DCDC1: variants seen among roughly 807,000 people sequenced by gnomAD.
The protein encoded by DCDC1 is doublecortin domain containing 1.
In DCDC1, 200 loss-of-function variants were observed where a neutral mutation model predicts 178.3. That is an observed-to-expected ratio of 1.12 (90% CI 1.00 to 1.26). DCDC1 has a LOEUF of 1.26. Among genes scored for constraint, DCDC1 ranks in the 50% most tolerant of loss-of-function variants. The pLI, the probability that DCDC1 is intolerant of heterozygous loss-of-function variation, is 0.00. For missense variants in DCDC1, 1,983 were observed against 1,749.2 expected, an observed-to-expected ratio of 1.13 and a Z score of -2.38; for synonymous variants, 690 against 604.8, an observed-to-expected ratio of 1.14 and a Z score of -2.07.
At chr11:31,099,266 A>T (rs1030709739) in intron 15 of DCDC1, among the ~76,000 whole-genome samples, 1 of 152,202 alleles carries the variant, frequency 6.6e-6, no homozygotes, top group Non-Finnish European at 1.5e-5. Context: ...GATGATCAGG[A>T]TGTCCTTTGC....
intron 7 of DCDC1, among the ~76,000 whole-genome samples, chr11:31,266,564 A>G (rs1945179128): frequency 6.6e-6 from 1 of 152,194 alleles, no homozygotes; most frequent in Admixed American, 6.5e-5. Context: ...ATTTTTGACT[A>G]TTCCCAGCTA....
chr11:30,887,535 G>C (rs1029651485), intron 36 of DCDC1, among the ~76,000 whole-genome samples: 34 of 152,204 alleles, frequency 2.2e-4, no homozygotes, highest in African/African-American at 7.5e-4. Context: ...TGTTGGCATT[G>C]AAGTGTTCTG....
intron 10 of DCDC1, among the ~76,000 whole-genome samples, chr11:31,134,232 G>A (rs1487033999): frequency 6.6e-6 from 1 of 152,200 alleles, no homozygotes; most frequent in Non-Finnish European, 1.5e-5. Context: ...ATAGCAACAA[G>A]GATGATGTCA....
At chr11:30,983,650 A>G (rs779344799) in intron 20 of DCDC1, among the ~76,000 whole-genome samples, 1 of 152,220 alleles carries the variant, frequency 6.6e-6, no homozygotes, top group Non-Finnish European at 1.5e-5. Flanking sequence ...TATTTTTAAA[A>G]AATTGTCATA....
intron 7 of DCDC1, among the ~76,000 whole-genome samples, chr11:31,268,664 G>T (rs1392835932): frequency 6.6e-6 from 1 of 152,112 alleles, no homozygotes; most frequent in African/African-American, 2.4e-5. Context: ...TTGCTATTCA[G>T]AACAGTGCTG....
intron 2 of DCDC1, among the ~76,000 whole-genome samples, chr11:31,330,999 C>T (rs555250661): frequency 1.7e-4 from 26 of 152,250 alleles, no homozygotes; most frequent in East Asian, 1.5e-3. Flanking sequence ...GTCATTTTCA[C>T]GATATTGATT....
At chr11:31,158,408 C>T (rs963128681) in intron 9 of DCDC1, among the ~76,000 whole-genome samples, 5 of 152,186 alleles carry the variant, frequency 3.3e-5, no homozygotes, top group Middle Eastern at 3.4e-3. Flanking sequence ...TGAGCCACCG[C>T]GCCTGGCCAA....
chr11:30,974,571 T>C (rs936883083), intron 20 of DCDC1, among the ~76,000 whole-genome samples: 3 of 152,122 alleles, frequency 2.0e-5, no homozygotes, highest in Non-Finnish European at 2.9e-5. Context: ...CATCAGAGAC[T>C]ATTATGAATA....
At chr11:31,351,401 T>C (rs1951064968) in intron 1 of DCDC1, among the ~76,000 whole-genome samples, 1 of 152,116 alleles carries the variant, frequency 6.6e-6, no homozygotes, top group South Asian at 2.1e-4. Context: ...ATGCAATTTT[T>C]CAAATGTATC....
rs113662930 is a variant in DCDC1, at chr11:31,325,261, C to A, written c.164+2856G>T. Among the ~76,000 whole-genome samples, 1,220 of 152,186 alleles carry A rather than the reference C, an allele frequency of 8.0e-3. 22 individuals are homozygous for A. Among genetic ancestry groups the A allele is most frequent in the African/African-American group, 0.028 (1,168 of 41,542 alleles). ...CTGGATACCTGTTACTAATAAATAACTGATTCTGTCATCCATGTCTCCAAG... is the reference window on the plus strand; with the variant it reads ...CTGGATACCTGTTACTAATAAATAAATGATTCTGTCATCCATGTCTCCAAG... On this transcript the variant is annotated intron_variant, in intron 3 of 38. Transcript: ENST00000684477.
intron 34 of DCDC1, 68 bp downstream of exon 34, chr11:30,899,473 T>G (rs1056159086): frequency 3.0e-6 from 3 of 1,000,496 alleles, no homozygotes; most frequent in African/African-American, 3.3e-5. Flanking sequence ...TGGTAGAAAA[T>G]AACCATTAGC....
intron 7 of DCDC1, among the ~76,000 whole-genome samples, chr11:31,283,686 C>T (rs1275521337): frequency 2.0e-5 from 3 of 152,118 alleles, no homozygotes; most frequent in African/African-American, 7.2e-5. Flanking sequence ...TGCACATACT[C>T]CCATACTTGT....
At chr11:31,193,109 G>A (rs566576173) in intron 9 of DCDC1, among the ~76,000 whole-genome samples, 1 of 151,852 alleles carries the variant, frequency 6.6e-6, no homozygotes, top group Non-Finnish European at 1.5e-5. Context: ...GCTGGTTCTC[G>A]GCCTTTGGAC....
At chr11:30,891,631 A>G (rs1265503311) in intron 36 of DCDC1, among the ~76,000 whole-genome samples, 1 of 152,218 alleles carries the variant, frequency 6.6e-6, no homozygotes, top group Non-Finnish European at 1.5e-5. Context: ...CAGCTTTGTT[A>G]TAGTGCTTTT....
At chr11:31,101,325 T>G (rs1238537395) in intron 15 of DCDC1, among the ~76,000 whole-genome samples, 1 of 151,736 alleles carries the variant, frequency 6.6e-6, no homozygotes, top group African/African-American at 2.4e-5. Flanking sequence ...ATTCCTTCTT[T>G]GGAGATAGAT....
At chr11:30,959,054 C>T (rs2134554762) in intron 20 of DCDC1, among the ~76,000 whole-genome samples, 1 of 152,190 alleles carries the variant, frequency 6.6e-6, no homozygotes, top group Middle Eastern at 3.4e-3. Flanking sequence ...TCACACTAGT[C>T]AAAGCACTGG....
intron 21 of DCDC1, among the ~76,000 whole-genome samples, chr11:30,932,802 C>G (rs1947022208): frequency 6.6e-6 from 1 of 152,036 alleles, no homozygotes; most frequent in Admixed American, 6.6e-5. Flanking sequence ...GTTTATCAGA[C>G]TTGAGGATTA....
intron 32 of DCDC1, among the ~76,000 whole-genome samples, chr11:30,902,150 G>A (rs376184833): frequency 1.3e-5 from 2 of 152,016 alleles, no homozygotes; most frequent in South Asian, 4.1e-4. Context: ...AAATTTAATG[G>A]CCAATGTAAT....
At chr11:31,026,815 G>GA (rs1164603082) in intron 20 of DCDC1, among the ~76,000 whole-genome samples, 2 of 151,584 alleles carry the variant, frequency 1.3e-5, no homozygotes, top group Non-Finnish European at 3.0e-5. Context: ...CTTTTTGATG[G>GA]AAAAAATATT....
Sources: gnomAD v4.1 joint callset for allele counts (sites outside exome capture counted in the v4.1 genomes callset) on GRCh38, gnomAD v4.1.1 for gene constraint, MANE v1.5 for transcripts, NCBI Gene and HGNC (gene_info 2026-07-23, HGNC 2026-07-21) for gene names.